JPH2: variants seen among roughly 807,000 people sequenced by gnomAD.
The protein encoded by JPH2 is junctophilin 2.
JPH2 carries 38 observed loss-of-function variants against 55.9 expected under a neutral mutation model. The ratio of observed to expected loss-of-function variants is 0.68; its 90% CI spans 0.52 to 0.89. The LOEUF (loss-of-function observed/expected upper bound fraction) is 0.89, where lower values mean the gene tolerates loss of function less well. JPH2 is among the 40% of genes least tolerant of loss of function. JPH2 has a pLI of 0.00. For synonymous variants in JPH2, 480 were observed against 472.4 expected (o/e 1.02, Z -0.21); for missense variants, 964 against 1,037.6 (o/e 0.93, Z 0.97).
intron 1 of JPH2, among the ~76,000 whole-genome samples, chr20:44,162,815 CACACACACAT>C (rs2072625016): frequency 7.0e-6 from 1 of 142,422 alleles, no homozygotes; most frequent in African/African-American, 2.6e-5. Flanking sequence ...CACACACACA[CACACACACAT>C]CCTATTAGAT....
intron 2 of JPH2, among the ~76,000 whole-genome samples, chr20:44,134,885 T>TTA (rs1459749692): frequency 8.7e-5 from 4 of 45,738 alleles, no homozygotes; most frequent in African/African-American, 2.0e-4. Flanking sequence ...TTTATATATA[T>TTA]ATTAATATAT....
rs767939733 is a variant in JPH2, at chr20:44,106,859, T to C, written c.*6659A>G. On this transcript the variant is annotated 3_prime_UTR_variant, in exon 6 of 6. Transcript: ENST00000372980. Reference sequence around the variant, plus strand: ...ACAACGTGTGGGTGGGAATTTAAGATGAGATTTGGGTGAGAACACAGCCAA... The same window carrying C: ...ACAACGTGTGGGTGGGAATTTAAGACGAGATTTGGGTGAGAACACAGCCAA... Among the ~76,000 whole-genome samples, 4 of 152,042 alleles carry C rather than the reference T, an allele frequency of 2.6e-5. No individual in the cohort carries two copies. Among genetic ancestry groups the C allele is most frequent in the Non-Finnish European group, 5.9e-5 (4 of 67,996 alleles).
intron 1 of JPH2, chr20:44,177,938 C>T (rs1451796473): frequency 2.2e-6 from 3 of 1,392,516 alleles, no homozygotes; most frequent in African/African-American, 1.4e-5. Context: ...GTTTCATTGT[C>T]TCGACCATAT....
At chr20:44,131,557 T>C (rs1478348887) in intron 2 of JPH2, among the ~76,000 whole-genome samples, 3 of 152,206 alleles carry the variant, frequency 2.0e-5, no homozygotes, top group African/African-American at 7.2e-5. Flanking sequence ...CATAGGGTAA[T>C]GAAAATTAAA....
chr20:44,126,118 C>G (rs1183873802), intron 2 of JPH2, among the ~76,000 whole-genome samples: 1 of 104,756 alleles, frequency 9.5e-6, no homozygotes, highest in African/African-American at 3.6e-5. Context: ...AAAGCAAGAC[C>G]CTATATCAGA....
chr20:44,161,863 C>G (rs576823851), intron 1 of JPH2, among the ~76,000 whole-genome samples: 32 of 152,054 alleles, frequency 2.1e-4, no homozygotes, highest in Non-Finnish European at 4.3e-4. Context: ...CTGCTGACCT[C>G]CCCAAATATA....
rs2072184846 is a variant in JPH2 at position 44,115,813 on chromosome 20, T to C, written c.1862A>G (p.Lys621Arg). Reference protein sequence around the residue: ...GPEPARETPAKLEPKPIIPKA... With the variant: ...GPEPARETPARLEPKPIIPKA... Reference sequence around the variant, plus strand: ...GGGGATGATGGGCTTGGGCTCCAGCTTGGCGGGGGTCTCGCGTGCAGGCTC... The same window carrying C: ...GGGGATGATGGGCTTGGGCTCCAGCCTGGCGGGGGTCTCGCGTGCAGGCTC... Residue 621 changes from lysine to arginine, a missense_variant, in exon 4 of 6, where the codon AAG becomes AGG. Coordinates refer to ENST00000372980, the MANE Select transcript of JPH2 (RefSeq NM_020433.5). 3.1e-6 allele frequency: 5 copies of C among 1,604,236 alleles called. No individual in the cohort carries two copies. Among genetic ancestry groups the C allele is most frequent in the Admixed American group, 1.7e-5 (1 of 59,922 alleles).
Position 44,109,113 on chromosome 20 carries a change from C to T in JPH2, c.*4405G>A, listed in dbSNP as rs909128778. Reference sequence around the variant, plus strand: ...CTCATCTGCAGTGATGGGAAGCTCACTCTTTCATGGTGGGAGCAGTGTGGT... The same window carrying T: ...CTCATCTGCAGTGATGGGAAGCTCATTCTTTCATGGTGGGAGCAGTGTGGT... On this transcript the variant is annotated 3_prime_UTR_variant, in exon 6 of 6. Transcript: ENST00000372980. Among the ~76,000 whole-genome samples the T allele has an allele frequency of 6.6e-6, 1 of 152,216 alleles. No individual in the cohort carries two copies. The highest frequency in any genetic ancestry group is 2.1e-4 in the South Asian group (1 of 4,826).
rs2072115490 is a variant in JPH2, at chr20:44,107,511, T to A, written c.*6007A>T. Among the ~76,000 whole-genome samples the A allele has an allele frequency of 6.6e-6, 1 of 152,164 alleles. No homozygotes were observed. Among genetic ancestry groups the A allele is most frequent in the African/African-American group, 2.4e-5 (1 of 41,446 alleles). Reference sequence around the variant, plus strand: ...GAAAGTTTTTAGGAAGCAAATTCCATCCTCCATACTCTCTTTCCTTTTCCT... The same window carrying A: ...GAAAGTTTTTAGGAAGCAAATTCCAACCTCCATACTCTCTTTCCTTTTCCT... On this transcript the variant is annotated 3_prime_UTR_variant, in exon 6 of 6. Coordinates refer to ENST00000372980, the MANE Select transcript of JPH2 (RefSeq NM_020433.5).
At chr20:44,157,356 C>T (rs762317477) in intron 2 of JPH2, among the ~76,000 whole-genome samples, 2 of 152,122 alleles carry the variant, frequency 1.3e-5, no homozygotes, top group East Asian at 1.9e-4. Flanking sequence ...TCCCAACTTG[C>T]GATGACCTTG....
intron 2 of JPH2, among the ~76,000 whole-genome samples, chr20:44,125,960 T>C (rs1005840604): frequency 3.3e-5 from 5 of 151,562 alleles, no homozygotes; most frequent in African/African-American, 1.2e-4. Context: ...ACCCCGTCTC[T>C]ACAAAAAATA....
chr20:44,112,659 G>A lies in JPH2; in HGVS notation c.*859C>T, dbSNP rs34119946. The A allele has an allele frequency of 0.1, 15,861 of 152,380 alleles. 899 individuals carry two copies. Among genetic ancestry groups the A allele is most frequent in the Non-Finnish European group, 0.12 (8,293 of 68,164 alleles). 9.4% of individuals were successfully genotyped at this position (152,380 alleles called of 1,614,324 possible). On this transcript the variant is annotated 3_prime_UTR_variant, in exon 6 of 6. Transcript: ENST00000372980. ...CACAGGGCATCACAGGAGATTTCTC[G>A]CCGGCCCCAGGCCTCCTGCAGGTGA...
rs149253048 is a variant in JPH2, at chr20:44,106,608, A to C, written c.*6910T>G. ...TGGGCAATTTATAAAAGAAAGGTTT[A>C]ATGGGACTCACAGTTCCAAGTGGCT... On this transcript the variant is annotated 3_prime_UTR_variant, in exon 6 of 6. Coordinates refer to ENST00000372980, the MANE Select transcript of JPH2 (RefSeq NM_020433.5). 3.9e-5 allele frequency among the ~76,000 whole-genome samples: 6 copies of C among 152,244 alleles called. No individual in the cohort carries two copies. In the East Asian group the frequency reaches 1.2e-3, roughly 29 times the overall value.
chr20:44,152,270 T>A lies in JPH2; in HGVS notation c.1169+7348A>T, dbSNP rs2072536455. On this transcript the variant is annotated intron_variant, in intron 2 of 5. Coordinates refer to ENST00000372980, the MANE Select transcript of JPH2 (RefSeq NM_020433.5). ...CTTCAACTCCCAGCTCTGCCATGACTCAGCTGTGCAACCTGTTTGAGAAAC... is the reference window on the plus strand; with the variant it reads ...CTTCAACTCCCAGCTCTGCCATGACACAGCTGTGCAACCTGTTTGAGAAAC... Among the ~76,000 whole-genome samples, 5 of 152,242 alleles carry A rather than the reference T, an allele frequency of 3.3e-5. No individual in the cohort carries two copies. The South Asian group carries it at 1.0e-3, about 32-fold the overall frequency.
chr20:44,151,515 T>C (rs1201611399), intron 2 of JPH2, among the ~76,000 whole-genome samples: 1 of 151,460 alleles, frequency 6.6e-6, no homozygotes, highest in Non-Finnish European at 1.5e-5. Flanking sequence ...AGACTCTGTC[T>C]CAAAAAAAAA....
intron 2 of JPH2, among the ~76,000 whole-genome samples, chr20:44,119,211 C>A (rs1219487213): frequency 1.3e-5 from 2 of 152,130 alleles, no homozygotes; most frequent in Non-Finnish European, 2.9e-5. Flanking sequence ...AATATCAGGT[C>A]TGTTAACTAC....
At chr20:44,180,884 A>G (rs979081496) in intron 1 of JPH2, among the ~76,000 whole-genome samples, 1 of 149,094 alleles carries the variant, frequency 6.7e-6, no homozygotes, top group Non-Finnish European at 1.5e-5. Flanking sequence ...AGCACTAAGG[A>G]CTCTAGGAGG....
chr20:44,177,954 G>C, intron 1 of JPH2: 1 of 1,280,888 alleles, frequency 7.8e-7, no homozygotes, highest in South Asian at 1.2e-5. Flanking sequence ...CATATTCTGA[G>C]GGCGATTTTA....
intron 1 of JPH2, among the ~76,000 whole-genome samples, chr20:44,174,938 G>A (rs2072722553): frequency 6.6e-6 from 1 of 152,040 alleles, no homozygotes; most frequent in African/African-American, 2.4e-5. Context: ...GGTGGAGGTT[G>A]CGGTGGGCCA....
Sources: allele counts gnomAD v4.1 joint callset (sites outside exome capture counted in the v4.1 genomes callset), GRCh38; gene constraint gnomAD v4.1.1; transcripts MANE v1.5; gene names NCBI Gene and HGNC (gene_info 2026-07-23, HGNC 2026-07-21).